The following CLASP2 variants were observed in gnomAD, a reference collection of about 807,000 sequenced individuals.
CLASP2 encodes cytoplasmic linker associated protein 2.
Under a neutral mutation model 194.4 loss-of-function variants are expected in CLASP2, and 47 were observed. The ratio of observed to expected loss-of-function variants is 0.24; its 90% CI spans 0.19 to 0.31. The LOEUF (loss-of-function observed/expected upper bound fraction) is 0.31. Among genes scored for constraint, CLASP2 ranks in the 10% least tolerant of loss-of-function variants. The probability of loss-of-function intolerance (pLI) is 1.00; values close to 1 mark genes in which losing one functional copy is unlikely to be tolerated. For synonymous variants in CLASP2, 619 were observed against 633.5 expected, an observed-to-expected ratio of 0.98 and a Z score of 0.34; for missense variants, 1,445 against 1,823.6, an observed-to-expected ratio of 0.79 and a Z score of 3.78.
intron 23 of CLASP2, among the ~76,000 whole-genome samples, chr3:33,578,672 C>G (rs912774885): frequency 9.2e-5 from 14 of 152,122 alleles, no homozygotes; most frequent in Non-Finnish European, 1.5e-4. Context: ...TTTTACCTAA[C>G]AGAAATAATT....
intron 6 of CLASP2, among the ~76,000 whole-genome samples, chr3:33,680,023 T>A (rs1463163250): frequency 6.6e-6 from 1 of 152,050 alleles, no homozygotes; most frequent in East Asian, 1.9e-4. Flanking sequence ...TACTTCCAGA[T>A]AATGGAAAAG....
At chr3:33,687,513 A>G (rs2090831795) in intron 4 of CLASP2, among the ~76,000 whole-genome samples, 1 of 152,220 alleles carries the variant, frequency 6.6e-6, no homozygotes, top group African/African-American at 2.4e-5. Flanking sequence ...ATGCATTCCA[A>G]TGAAATAAGT....
At chr3:33,570,583 A>G in intron 26 of CLASP2, 144 bp downstream of exon 26, 1 of 1,027,348 alleles carries the variant, frequency 9.7e-7, no homozygotes, top group South Asian at 1.5e-5. Context: ...TAAATTACGT[A>G]TGATACCAAA....
chr3:33,600,946 G>C (rs902970576), intron 18 of CLASP2, among the ~76,000 whole-genome samples: 37 of 142,646 alleles, frequency 2.6e-4, no homozygotes, highest in Non-Finnish European at 7.6e-5. Context: ...AGTGTTGCTT[G>C]ATAAGGCTTT....
At chr3:33,710,879 G>A (rs901467432) in intron 1 of CLASP2, among the ~76,000 whole-genome samples, 1 of 152,310 alleles carries the variant, frequency 6.6e-6, no homozygotes, top group Non-Finnish European at 1.5e-5. Flanking sequence ...ATGTTGCAGT[G>A]AGCTGAGATC....
chr3:33,588,745 A>C, intron 21 of CLASP2: 1 of 702,332 alleles, frequency 1.4e-6, no homozygotes, highest in East Asian at 2.7e-5. Context: ...AACAAGTGTA[A>C]AGGCAGAATT....
intron 25 of CLASP2, among the ~76,000 whole-genome samples, chr3:33,572,573 G>GA (rs1405975589): frequency 6.6e-6 from 1 of 151,926 alleles, no homozygotes; most frequent in African/African-American, 2.4e-5. Context: ...CAAGTAGGGG[G>GA]AAAAAACAAG....
At chr3:33,684,231 G>A (rs2090292163) in intron 6 of CLASP2, 128 bp downstream of exon 6, 3 of 486,854 alleles carry the variant, frequency 6.2e-6, no homozygotes, top group African/African-American at 2.1e-5. Context: ...GGCAACAAGA[G>A]CAAGACTCCA....
chr3:33,635,830 C>T (rs954925653), intron 8 of CLASP2, among the ~76,000 whole-genome samples: 1 of 151,942 alleles, frequency 6.6e-6, no homozygotes, highest in Non-Finnish European at 1.5e-5. Flanking sequence ...AACAAATATT[C>T]CAAAACCCAC....
At chr3:33,607,613 A>C (rs150925315) in intron 14 of CLASP2, among the ~76,000 whole-genome samples, 152 bp from the exon 15 acceptor site, 35 of 152,292 alleles carry the variant, frequency 2.3e-4, no homozygotes, top group East Asian at 1.5e-3. Context: ...TAAGACCATA[A>C]GATTTTCTAA....
intron 12 of CLASP2, among the ~76,000 whole-genome samples, chr3:33,612,523 TC>T (rs1252551688): frequency 6.6e-6 from 1 of 152,190 alleles, no homozygotes; most frequent in Non-Finnish European, 1.5e-5. Context: ...AATAGAACTT[TC>T]ACTTCATTCT....
chr3:33,635,255 G>C (rs2079919632), intron 8 of CLASP2, among the ~76,000 whole-genome samples: 2 of 151,636 alleles, frequency 1.3e-5, no homozygotes, highest in African/African-American at 4.8e-5. Context: ...GACAGAGCGA[G>C]ACTCTGTCTC....
At chr3:33,554,134 A>C (rs967141320) in intron 29 of CLASP2, among the ~76,000 whole-genome samples, 1 of 151,652 alleles carries the variant, frequency 6.6e-6, no homozygotes, top group East Asian at 2.0e-4. Flanking sequence ...AGGCTGAAGC[A>C]GGAGAATCGC....
chr3:33,531,387 T>C (rs75077135), intron 34 of CLASP2, among the ~76,000 whole-genome samples: 11,043 of 152,124 alleles, frequency 0.073, 497 homozygotes, highest in Admixed American at 0.1. Context: ...GGCAAAGGAA[T>C]AGAAAAGACA....
rs1330326563 is a variant in CLASP2, at chr3:33,496,830, T to C, written c.*1801A>G. ...AAGCTGTAATATATACATGCGTATG[T>C]AGCTATATACCTTTGATTGTGGTAG... On this transcript the variant is annotated 3_prime_UTR_variant, in exon 39 of 39. Transcript: ENST00000682230. 2 of 152,344 alleles carry C rather than the reference T, an allele frequency of 1.3e-5. No individual in the cohort carries two copies. The highest frequency in any genetic ancestry group is 2.1e-4 in the South Asian group (1 of 4,836). The allele number at this position is 152,344 out of a possible 1,614,324, so 9.4% of individuals were successfully genotyped here.
At chr3:33,712,290 T>C (rs1378718508) in intron 1 of CLASP2, among the ~76,000 whole-genome samples, 1 of 152,150 alleles carries the variant, frequency 6.6e-6, no homozygotes, top group African/African-American at 2.4e-5. Flanking sequence ...ACTTATAAGT[T>C]AGGAGCTAAG....
intron 38 of CLASP2, among the ~76,000 whole-genome samples, chr3:33,500,554 T>C (rs2046611908): frequency 6.6e-6 from 1 of 151,916 alleles, no homozygotes; most frequent in South Asian, 2.1e-4. Flanking sequence ...GTTTCCATTG[T>C]GCATTTTTCT....
At chr3:33,708,538 A>G (rs1221901145) in intron 1 of CLASP2, among the ~76,000 whole-genome samples, 1 of 5,638 alleles carries the variant, frequency 1.8e-4, no homozygotes, top group Non-Finnish European at 3.8e-4. Flanking sequence ...ATATATATGT[A>G]TATATGTATA....
intron 21 of CLASP2, chr3:33,588,598 A>G (rs1270606155): frequency 4.8e-6 from 3 of 618,852 alleles, no homozygotes; most frequent in Non-Finnish European, 8.7e-6. Flanking sequence ...TATGACTACA[A>G]ATGATAGACT....
Sources: allele counts gnomAD v4.1 joint callset (sites outside exome capture counted in the v4.1 genomes callset), GRCh38; gene constraint gnomAD v4.1.1; transcripts MANE v1.5; gene names NCBI Gene and HGNC (gene_info 2026-07-23, HGNC 2026-07-21).